The following UBR4 variants were observed in gnomAD, a reference collection of about 807,000 sequenced individuals.
UBR4 encodes the protein ubiquitin protein ligase E3 component n-recognin 4.
A neutral mutation model predicts 575.6 loss-of-function variants in UBR4; 124 were observed. The observed-to-expected ratio is 0.22, with a 90% confidence interval of 0.19 to 0.25. The LOEUF (loss-of-function observed/expected upper bound fraction) is 0.25. Ranked by LOEUF, UBR4 falls within the 10% of genes least tolerant of loss-of-function variation. The probability of loss-of-function intolerance (pLI) is 1.00; values close to 1 mark genes in which losing one functional copy is unlikely to be tolerated. For synonymous variants in UBR4, 2,455 were observed against 2,473.7 expected, an observed-to-expected ratio of 0.99 and a Z score of 0.22; for missense variants, 4,818 against 6,478.8, an observed-to-expected ratio of 0.74 and a Z score of 8.80.
intron 103 of UBR4, chr1:19,079,801 T>G (rs1482439705): frequency 3.3e-5 from 5 of 152,250 alleles, no homozygotes; most frequent in Non-Finnish European, 7.3e-5. Context: ...ACGGCCGTAT[T>G]TGGCCCTTTG....
chr1:19,100,171 C>A lies in UBR4; in HGVS notation c.13221+205G>T. On this transcript the variant is annotated intron_variant, in intron 89 of 105. Transcript: ENST00000375254. This position sits in a 1 kb window ranked among gnomAD's most constrained non-coding sequence, Gnocchi z 4.2. ...CAATATGCTTACTTCCTGCCAGGCA[C>A]TGGGCAGAGCCCTTTACAGGTTATT... 1.7e-6 allele frequency: 1 copy of A among 593,524 alleles called. No individual in the cohort carries two copies. The highest frequency in any genetic ancestry group is 3.0e-6 in the Non-Finnish European group (1 of 337,454). The allele number at this position is 593,524 out of a possible 1,614,324, so 36.8% of individuals were successfully genotyped here.
At chr1:19,194,589 G>T (rs2092333832) in intron 8 of UBR4, among the ~76,000 whole-genome samples, 1 of 152,070 alleles carries the variant, frequency 6.6e-6, no homozygotes, top group South Asian at 2.1e-4. Flanking sequence ...ATCACCTGAG[G>T]TCAGGAGTCT....
At position 19,162,313 on chromosome 1, in the gene UBR4, G is replaced by A; in HGVS notation, c.4956+107C>T. On this transcript the variant is annotated intron_variant, in intron 35 of 105. Coordinates refer to ENST00000375254, the MANE Select transcript of UBR4 (RefSeq NM_020765.3). ...TGGGGCCTGGCAGCAACAAGGACTA[G>A]GAAGTTTTGAAGCTCACAGGAGGCT... is the stretch of plus-strand genomic sequence containing the variant. The A allele has an allele frequency of 2.2e-6, 3 of 1,359,590 alleles. No homozygotes were observed. In the South Asian group the frequency reaches 4.3e-5, roughly 20 times the overall value. The allele number at this position is 1,359,590 out of a possible 1,614,324, so 84.2% of individuals were successfully genotyped here.
chr1:19,144,963 G>A (rs1310193066), intron 53 of UBR4, 56 bp from the exon 54 acceptor site: 2 of 1,602,244 alleles, frequency 1.2e-6, no homozygotes, highest in South Asian at 2.2e-5. Flanking sequence ...CTAACTACTT[G>A]AGAGTCTGAG....
intron 44 of UBR4, among the ~76,000 whole-genome samples, chr1:19,154,558 G>A (rs1288606818): frequency 6.6e-6 from 1 of 152,148 alleles, no homozygotes; most frequent in Admixed American, 6.5e-5. Flanking sequence ...AGTCTCCCCA[G>A]GAGAAAAACT....
rs755752320 is a variant in UBR4, at chr1:19,161,037, G to A, written c.5286C>T (p.Ser1762=). The change falls in exon 38 of 106, where the codon TCC becomes TCT. Residue 1762 remains serine (S), a synonymous_variant. Coordinates refer to ENST00000375254, the MANE Select transcript of UBR4 (RefSeq NM_020765.3). The part of the protein sequence containing the change: ...SESLVRHAST[S]SPADKAKVTI... ...TAACCTTGGCTTTGTCAGCTGGCGA[G>A]GAGGTGCTGGCATGACGCACTAGAC... is the stretch of plus-strand genomic sequence containing the variant. The A allele has an allele frequency of 2.8e-5, 45 of 1,614,034 alleles. No individual in the cohort carries two copies. Among genetic ancestry groups the A allele is most frequent in the Non-Finnish European group, 3.8e-5 (45 of 1,180,022 alleles).
At chr1:19,185,406 G>T (rs1417637955) in intron 14 of UBR4, 120 bp from the exon 15 acceptor site, 1 of 972,718 alleles carries the variant, frequency 1.0e-6, no homozygotes, top group African/African-American at 1.7e-5. Flanking sequence ...TGTGATGATG[G>T]TTACAAGATT....
rs758171765 is a variant in UBR4 at position 19,106,941 on chromosome 1, G to A, written c.12131C>T (p.Thr4044Met). Residue 4044 changes from threonine (T) to methionine (M), a missense_variant, in exon 82 of 106, where the codon ACG (threonine) becomes ATG (methionine). Coordinates refer to ENST00000375254, the MANE Select transcript of UBR4 (RefSeq NM_020765.3). ...NKDVPVEALT[T>M]VKPYCNEIHA... ...GATCTCATTGCAGTATGGCTTCACC[G>A]TGGTGAGGGCCTCAACGGGGACATC... 5.0e-6 allele frequency: 8 copies of A among 1,612,552 alleles called. No individual in the cohort carries two copies. Among genetic ancestry groups the A allele is most frequent in the South Asian group, 1.1e-5 (1 of 91,004 alleles).
intron 8 of UBR4, 21 bp downstream of exon 8, chr1:19,197,120 C>A (rs552535276): frequency 1.2e-6 from 2 of 1,611,306 alleles, no homozygotes; most frequent in South Asian, 1.1e-5. Context: ...GAAAATGAGA[C>A]CAGATATAAT....
Position 19,152,161 on chromosome 1 carries a change from T to C in UBR4, c.6996+152A>G. ...GTCCTTTGCCAAGTGAGTAAGAATA[T>C]CCATTTTTCTAAGGAACCATTTAAC... On this transcript the variant is annotated intron_variant, in intron 47 of 105. Transcript: ENST00000375254. This position sits in a 1 kb window ranked among gnomAD's most constrained non-coding sequence, Gnocchi z 4.4. 2 of 1,195,678 alleles carry C rather than the reference T, an allele frequency of 1.7e-6. No individual in the cohort carries two copies. Among genetic ancestry groups the C allele is most frequent in the Non-Finnish European group, 2.4e-6 (2 of 850,970 alleles). The allele number at this position is 1,195,678 out of a possible 1,614,324, so 74.1% of individuals were successfully genotyped here.
intron 48 of UBR4, 153 bp from the exon 49 acceptor site, chr1:19,150,946 A>G: frequency 2.6e-6 from 2 of 767,638 alleles, no homozygotes; most frequent in South Asian, 3.5e-5. Context: ...CAGCACTTTA[A>G]TCGTGTATAT....
chr1:19,134,604 G>A (rs1402908981), intron 60 of UBR4, among the ~76,000 whole-genome samples: 1 of 152,156 alleles, frequency 6.6e-6, no homozygotes, highest in African/African-American at 2.4e-5. Flanking sequence ...TGTTCTGAAG[G>A]CAACTTGACC....
chr1:19,198,661 C>A lies in UBR4; in HGVS notation c.528G>T (p.Leu176=). ...TLSDVEDQKE[L]ASPVSPELRQ... ...TCAACTCAGGGCTTACTGGTGAGGCCAGCTCTTTCTGATCTTCCACTGTAA... is the reference window on the plus strand; with the variant it reads ...TCAACTCAGGGCTTACTGGTGAGGCAAGCTCTTTCTGATCTTCCACTGTAA... The change falls in exon 5 of 106, where the codon CTG becomes CTT. Residue 176 remains leucine (L), a synonymous_variant. Transcript: ENST00000375254. The A allele has an allele frequency of 6.2e-7, 1 of 1,614,102 alleles. No individual in the cohort carries two copies. The highest frequency in any genetic ancestry group is 8.5e-7 in the Non-Finnish European group (1 of 1,180,016).
intron 87 of UBR4, 78 bp downstream of exon 87, chr1:19,104,006 G>T: frequency 2.0e-6 from 3 of 1,525,732 alleles, no homozygotes; most frequent in Non-Finnish European, 2.7e-6. Context: ...CTGTGGAACT[G>T]GGGGAAATTG....
At chr1:19,096,742 T>C (rs1160519762) in intron 91 of UBR4, 92 bp from the exon 92 acceptor site, 5 of 1,518,234 alleles carry the variant, frequency 3.3e-6, no homozygotes, top group Non-Finnish European at 3.5e-6. Context: ...TCCTGGCTGA[T>C]GGCTGACAGC....
rs749597660 is a variant in UBR4, at chr1:19,170,774, C to T, written c.3631G>A (p.Ala1211Thr). 1.3e-5 allele frequency: 21 copies of T among 1,614,022 alleles called. No individual in the cohort carries two copies. In the Admixed American group the frequency reaches 2.3e-4, roughly 18 times the overall value. The change falls in exon 26 of 106, where the codon GCA (alanine) becomes ACA (threonine). Residue 1211 changes from alanine to threonine, a missense_variant. By Grantham distance (58) the Ala-to-Thr change is moderately conservative (BLOSUM62 0). Coordinates refer to ENST00000375254, the MANE Select transcript of UBR4 (RefSeq NM_020765.3). The part of the protein sequence containing the change: ...VLAIGSSRCK[A>T]NTLGPTLVQN... ...TTTGTTCTCTTACCCAGAGTATTTG[C>T]CTTGCACCTGCTAGAGCCAATAGCC...
intron 27 of UBR4, among the ~76,000 whole-genome samples, chr1:19,169,200 GC>G (rs1487459535): frequency 1.3e-5 from 2 of 152,076 alleles, no homozygotes; most frequent in Non-Finnish European, 2.9e-5. Flanking sequence ...AGAAACTGAG[GC>G]TCAAATAAAT....
intron 102 of UBR4, among the ~76,000 whole-genome samples, chr1:19,083,704 T>C (rs2076742068): frequency 6.6e-6 from 1 of 152,154 alleles, no homozygotes; most frequent in Non-Finnish European, 1.5e-5. Flanking sequence ...TTTAAAACAA[T>C]TGTTTTTTTC....
At chr1:19,161,510 T>C in intron 37 of UBR4, 79 bp downstream of exon 37, 2 of 1,520,364 alleles carry the variant, frequency 1.3e-6, no homozygotes, top group South Asian at 1.3e-5. Context: ...CTGGAGGTGA[T>C]GGGAATTTTC....
Sources: gnomAD v4.1 joint callset for allele counts (sites outside exome capture counted in the v4.1 genomes callset) on GRCh38, gnomAD v4.1.1 for gene constraint, Gnocchi (gnomAD v3.1) non-coding constraint, MANE v1.5 for transcripts, NCBI Gene and HGNC (gene_info 2026-07-23, HGNC 2026-07-21) for gene names.